The following LPP variants were observed in gnomAD, a reference collection of about 807,000 sequenced individuals.
LPP encodes the protein LIM domain containing preferred translocation partner in lipoma.
A neutral mutation model predicts 60.4 loss-of-function variants in LPP; 38 were observed. The observed-to-expected ratio is 0.63, with a 90% confidence interval of 0.49 to 0.83. The LOEUF is 0.83. Ranked by LOEUF, LPP falls within the 40% of genes least tolerant of loss-of-function variation. The pLI, the probability that LPP is intolerant of heterozygous loss-of-function variation, is 0.00. For synonymous variants in LPP, 328 were observed against 290.8 expected, an observed-to-expected ratio of 1.13 and a Z score of -1.30; for missense variants, 902 against 783.6, an observed-to-expected ratio of 1.15 and a Z score of -1.80.
intron 2 of LPP, among the ~76,000 whole-genome samples, chr3:188,260,519 T>C (rs1733208480): frequency 6.6e-6 from 1 of 152,106 alleles, no homozygotes; most frequent in Non-Finnish European, 1.5e-5. Context: ...ATCACCATTG[T>C]CACTGATAGA....
chr3:188,281,658 T>C (rs1218683378), intron 2 of LPP, among the ~76,000 whole-genome samples: 1 of 135,812 alleles, frequency 7.4e-6, no homozygotes, highest in Non-Finnish European at 1.6e-5. Flanking sequence ...AGGACATAGG[T>C]AGGGAAGGGG....
At chr3:188,234,537 T>A (rs1236486421) in intron 2 of LPP, among the ~76,000 whole-genome samples, 1 of 152,206 alleles carries the variant, frequency 6.6e-6, no homozygotes, top group African/African-American at 2.4e-5. Context: ...ATGCTTTGAT[T>A]TACTGACTTG....
chr3:188,196,637 A>T (rs751270914), intron 1 of LPP, among the ~76,000 whole-genome samples: 22 of 152,190 alleles, frequency 1.4e-4, no homozygotes, highest in Middle Eastern at 3.4e-3. Context: ...CAAAAATGCA[A>T]ATCTGTTCAT....
chr3:188,689,312 A>G (rs1055265432), intron 7 of LPP, among the ~76,000 whole-genome samples: 1 of 152,216 alleles, frequency 6.6e-6, no homozygotes, highest in African/African-American at 2.4e-5. Context: ...CATATTGCAA[A>G]AGTCAGAATC....
chr3:188,685,969 G>A (rs1203333090), intron 7 of LPP, among the ~76,000 whole-genome samples: 1 of 152,114 alleles, frequency 6.6e-6, no homozygotes, highest in Non-Finnish European at 1.5e-5. Flanking sequence ...TAATGATGTA[G>A]TCAAGGCGCT....
chr3:188,308,438 C>T (rs768070855), intron 2 of LPP, among the ~76,000 whole-genome samples: 6 of 152,228 alleles, frequency 3.9e-5, no homozygotes, highest in Middle Eastern at 6.8e-3. Flanking sequence ...AAAAACAAAT[C>T]ATTTGGAACG....
chr3:188,873,199 T>C (rs1435665597), intron 11 of LPP, among the ~76,000 whole-genome samples: 1 of 152,214 alleles, frequency 6.6e-6, no homozygotes, highest in Middle Eastern at 3.2e-3. Context: ...CCTGAACGCC[T>C]CTAGAGCTGC....
At position 188,883,732 on chromosome 3, in the gene LPP, C is replaced by CA. The variant is rs71169028; in HGVS notation, c.*9275dup. ...TGGGCGACAGAACGAGACTCCGTCT[C>CA]AAAAAAAAAAAAAAAAAAAAAAGGT... is the stretch of plus-strand genomic sequence containing the variant. On this transcript the variant is annotated 3_prime_UTR_variant, in exon 12 of 12. Coordinates refer to ENST00000617246, the MANE Select transcript of LPP (RefSeq NM_001375462.1). 2,301 of 69,894 alleles carry CA rather than the reference C, an allele frequency of 0.033. 112 individuals carry two copies. The highest frequency in any genetic ancestry group is 0.096 in the African/African-American group (1,353 of 14,166). 4.3% of individuals were successfully genotyped at this position (69,894 alleles called of 1,614,324 possible).
chr3:188,529,584 AG>A (rs145862432), intron 6 of LPP, among the ~76,000 whole-genome samples: 5,805 of 152,300 alleles, frequency 0.038, 341 homozygotes, highest in African/African-American at 0.12. Flanking sequence ...GTTTTGCTAA[AG>A]CATTTTCTTC....
chr3:188,878,966 GA>G lies in LPP; in HGVS notation c.*4488del, dbSNP rs1578117818. 1.8e-5 allele frequency: 4 copies of G among 227,726 alleles called. No homozygotes were observed. The East Asian group carries it at 2.5e-4, about 14-fold the overall frequency. The allele number at this position is 227,726 out of a possible 1,614,324, so 14.1% of individuals were successfully genotyped here. A position where few individuals can be genotyped will look rare whatever the true frequency, so the allele number is the denominator to read the frequency against. ...ACAGTAGTTTTAGTCAGATAATGAG[GA>G]CAGAGACTTCAACTTGATTCTTTAC... On this transcript the variant is annotated 3_prime_UTR_variant, in exon 12 of 12. Transcript: ENST00000617246.
At chr3:188,853,384 C>G (rs1026232538) in intron 9 of LPP, among the ~76,000 whole-genome samples, 3 of 152,098 alleles carry the variant, frequency 2.0e-5, no homozygotes, top group East Asian at 1.9e-4. Flanking sequence ...TGTGAAAGAA[C>G]AGAAGAGGAG....
At chr3:188,543,709 A>G (rs151150271) in intron 6 of LPP, among the ~76,000 whole-genome samples, 4 of 152,312 alleles carry the variant, frequency 2.6e-5, no homozygotes, top group Non-Finnish European at 5.9e-5. Context: ...GATGGAAGCC[A>G]TAATCATTTG....
chr3:188,357,661 A>G (rs1768006941), intron 3 of LPP, among the ~76,000 whole-genome samples: 1 of 152,230 alleles, frequency 6.6e-6, no homozygotes, highest in African/African-American at 2.4e-5. Context: ...TTGGTGAGAT[A>G]AGGCAAGCAT....
chr3:188,277,252 G>A (rs1217399263), intron 2 of LPP, among the ~76,000 whole-genome samples: 1 of 151,988 alleles, frequency 6.6e-6, no homozygotes, highest in South Asian at 2.1e-4. Context: ...CTTTATAGCA[G>A]GGCAAGAATG....
intron 7 of LPP, among the ~76,000 whole-genome samples, chr3:188,669,531 G>A (rs561421039): frequency 8.5e-5 from 13 of 152,134 alleles, no homozygotes; most frequent in African/African-American, 1.4e-4. Context: ...AGCCGAGATC[G>A]CACCACTGCA....
intron 8 of LPP, among the ~76,000 whole-genome samples, chr3:188,737,650 C>T (rs1207917080): frequency 1.3e-5 from 2 of 152,122 alleles, no homozygotes; most frequent in South Asian, 2.1e-4. Flanking sequence ...ACTCAGATAC[C>T]ACCTCAGCAC....
chr3:188,201,078 A>G (rs1730957932), intron 1 of LPP, among the ~76,000 whole-genome samples: 1 of 152,162 alleles, frequency 6.6e-6, no homozygotes, highest in Non-Finnish European at 1.5e-5. Flanking sequence ...TCCTCCTGGG[A>G]GTCATACCCT....
rs936371413 is a variant in LPP at position 188,406,383 on chromosome 3, C to T, written c.193+70C>T. 6 of 1,376,624 alleles carry T rather than the reference C, an allele frequency of 4.4e-6. No individual in the cohort carries two copies. The Admixed American group carries it at 5.9e-5, about 14-fold the overall frequency. 85.3% of individuals were successfully genotyped at this position (1,376,624 alleles called of 1,614,324 possible). A position where few individuals can be genotyped will look rare whatever the true frequency, so the allele number is the denominator to read the frequency against. On this transcript the variant is annotated intron_variant, in intron 4 of 11. Coordinates refer to ENST00000617246, the MANE Select transcript of LPP (RefSeq NM_001375462.1). ...TCAGTTATATAGGTGATTTGTAGTA[C>T]AAAGTTGTGTCAGAAAAACGTAGTT...
At chr3:188,816,326 C>T (rs1482177753) in intron 9 of LPP, among the ~76,000 whole-genome samples, 2 of 151,790 alleles carry the variant, frequency 1.3e-5, no homozygotes, top group African/African-American at 2.4e-5. Flanking sequence ...CTCAGCCTCC[C>T]GAGTAGCTGG....
Sources: gnomAD v4.1 joint callset for allele counts (sites outside exome capture counted in the v4.1 genomes callset) on GRCh38, gnomAD v4.1.1 for gene constraint, MANE v1.5 for transcripts, NCBI Gene and HGNC (gene_info 2026-07-23, HGNC 2026-07-21) for gene names.